ELOVL2: variants seen among roughly 807,000 people sequenced by gnomAD.
The protein encoded by ELOVL2 is ELOVL fatty acid elongase 2.
Under a neutral mutation model 37.7 loss-of-function variants are expected in ELOVL2, and 38 were observed. The ratio of observed to expected loss-of-function variants is 1.01; its 90% CI spans 0.78 to 1.32. The LOEUF (loss-of-function observed/expected upper bound fraction) is 1.32, where lower values mean the gene tolerates loss of function less well. Ranked by LOEUF, ELOVL2 falls within the 40% of genes most tolerant of loss-of-function variation. The pLI, the probability that ELOVL2 is intolerant of heterozygous loss-of-function variation, is 0.00. For synonymous variants in ELOVL2, 115 were observed against 122.3 expected (o/e 0.94, Z 0.40); for missense variants, 352 against 363.6 (o/e 0.97, Z 0.26).
intron 5 of ELOVL2, among the ~76,000 whole-genome samples, 160 bp downstream of exon 5, chr6:10,994,847 A>C (rs1010729114): frequency 3.3e-4 from 50 of 152,224 alleles, no homozygotes; most frequent in African/African-American, 1.2e-3. Flanking sequence ...ACACTAGAAT[A>C]CATGACCCCT....
intron 7 of ELOVL2, among the ~76,000 whole-genome samples, chr6:10,984,186 T>A (rs1781997732): frequency 6.6e-6 from 1 of 152,062 alleles, no homozygotes; most frequent in Non-Finnish European, 1.5e-5. Context: ...CCCGGCTAAT[T>A]TATGTATTTT....
At position 11,024,557 on chromosome 6, in the gene ELOVL2, G is replaced by T. The variant is rs116258049; in HGVS notation, c.4-13748C>A. Among the ~76,000 whole-genome samples the T allele has an allele frequency of 7.9e-3, 1,196 of 152,082 alleles. 18 individuals are homozygous for T. Among genetic ancestry groups the T allele is most frequent in the African/African-American group, 0.027 (1,114 of 41,452 alleles). On this transcript the variant is annotated intron_variant, in intron 1 of 7. Transcript: ENST00000354666. ...ATTACTGAATAAAATCATCTCCAAG[G>T]CCCCTTCTAGCTCTCAGTTTTAAAG... is the stretch of plus-strand genomic sequence containing the variant.
chr6:11,018,371 G>A (rs1287257223), intron 1 of ELOVL2, among the ~76,000 whole-genome samples: 1 of 152,164 alleles, frequency 6.6e-6, no homozygotes, highest in Non-Finnish European at 1.5e-5. Context: ...CAATGCAAGA[G>A]TCAAATAAGC....
At chr6:11,022,679 T>C (rs1009292298) in intron 1 of ELOVL2, among the ~76,000 whole-genome samples, 3 of 152,198 alleles carry the variant, frequency 2.0e-5, no homozygotes, top group South Asian at 4.1e-4. Context: ...CTTTATCTTA[T>C]TGGTTAAGCT....
chr6:11,002,148 A>G (rs1782398522), intron 3 of ELOVL2, among the ~76,000 whole-genome samples: 1 of 152,054 alleles, frequency 6.6e-6, no homozygotes, highest in African/African-American at 2.4e-5. Flanking sequence ...CAAGGGCCCA[A>G]TGTCATCTGC....
At chr6:11,036,212 T>C (rs1302291397) in intron 1 of ELOVL2, among the ~76,000 whole-genome samples, 1 of 152,218 alleles carries the variant, frequency 6.6e-6, no homozygotes. Flanking sequence ...ATAGTAAACC[T>C]AATTTACAAA....
Position 10,983,723 on chromosome 6 carries a change from T to G in ELOVL2, c.*58A>C, listed in dbSNP as rs1033217367. The stretch of plus-strand genomic sequence containing the variant: ...AACATGTAACCTTCAATTCAGTCTT[T>G]GCTTTAAAACAAGCCAATCTGTTAG... On this transcript the variant is annotated 3_prime_UTR_variant, in exon 8 of 8. Transcript: ENST00000354666. 1.0e-5 allele frequency: 16 copies of G among 1,524,322 alleles called. No individual in the cohort carries two copies. Among genetic ancestry groups the G allele is most frequent in the Non-Finnish European group, 1.3e-5 (15 of 1,135,166 alleles). The allele number at this position is 1,524,322 out of a possible 1,614,324, so 94.4% of individuals were successfully genotyped here.
chr6:11,041,292 A>G (rs1418831054), intron 1 of ELOVL2, among the ~76,000 whole-genome samples: 2 of 152,180 alleles, frequency 1.3e-5, no homozygotes, highest in Non-Finnish European at 2.9e-5. Flanking sequence ...TAGATACATA[A>G]TATCTACTTG....
At chr6:11,012,625 C>T (rs1782603291) in intron 1 of ELOVL2, among the ~76,000 whole-genome samples, 2 of 152,040 alleles carry the variant, frequency 1.3e-5, no homozygotes, top group Middle Eastern at 3.2e-3. Flanking sequence ...TCACAAAGCC[C>T]GTATTATTTC....
chr6:11,037,138 GAGAGAGAC>G (rs1479708860), intron 1 of ELOVL2, among the ~76,000 whole-genome samples: 7 of 147,882 alleles, frequency 4.7e-5, no homozygotes, highest in South Asian at 2.2e-4. Flanking sequence ...CAGAGAGGGA[GAGAGAGAC>G]AGAGAGGCAG....
At chr6:10,990,472 T>C in intron 5 of ELOVL2, 30 bp from the exon 6 acceptor site, 1 of 1,550,486 alleles carries the variant, frequency 6.4e-7, no homozygotes, top group Non-Finnish European at 8.6e-7. Flanking sequence ...AAATCACTAT[T>C]CTTCCAGGAA....
At position 11,022,114 on chromosome 6, in the gene ELOVL2, T is replaced by C. The variant is rs1467446247; in HGVS notation, c.4-11305A>G. ...AATAGGATGTACTCATATAAGACAC[T>C]GGGGGTGCCCTTGCAGTGCTTGTGA... On this transcript the variant is annotated intron_variant, in intron 1 of 7. Coordinates refer to ENST00000354666, the MANE Select transcript of ELOVL2 (RefSeq NM_017770.4). Among the ~76,000 whole-genome samples, 4 of 152,270 alleles carry C rather than the reference T, an allele frequency of 2.6e-5. No individual in the cohort carries two copies. The East Asian group carries it at 7.7e-4, about 29-fold the overall frequency.
At chr6:11,014,193 A>T (rs1211638316) in intron 1 of ELOVL2, among the ~76,000 whole-genome samples, 1 of 152,238 alleles carries the variant, frequency 6.6e-6, no homozygotes. Context: ...ACAGTTCAGT[A>T]GTTTGGTAAA....
chr6:11,041,566 T>C lies in ELOVL2; in HGVS notation c.3+2662A>G, dbSNP rs536912458. ...TCCTACAAATAGAAACTTAAGTCAA[T>C]AAGGTATCTTTCATTCATCTTTGGT... On this transcript the variant is annotated intron_variant, in intron 1 of 7. Coordinates refer to ENST00000354666, the MANE Select transcript of ELOVL2 (RefSeq NM_017770.4). Among the ~76,000 whole-genome samples the C allele has an allele frequency of 2.6e-5, 4 of 152,330 alleles. No homozygotes were observed. The South Asian group carries it at 8.3e-4, about 32-fold the overall frequency.
At chr6:11,027,157 A>T (rs1410932678) in intron 1 of ELOVL2, among the ~76,000 whole-genome samples, 1 of 152,188 alleles carries the variant, frequency 6.6e-6, no homozygotes, top group East Asian at 1.9e-4. Flanking sequence ...TCTTAAGCTT[A>T]CTGTCTATGT....
chr6:10,990,193 G>T, intron 6 of ELOVL2, 125 bp downstream of exon 6: 1 of 1,212,596 alleles, frequency 8.2e-7, no homozygotes, highest in Non-Finnish European at 1.2e-6. Context: ...TTCTTAAAAG[G>T]CCAATTTTGG....
rs187863470 is a variant in ELOVL2, at chr6:10,984,930, C to A, written c.766-1024G>T. Among the ~76,000 whole-genome samples the A allele has an allele frequency of 2.3e-3, 343 of 152,230 alleles. 7 individuals carry two copies. Among genetic ancestry groups the A allele is most frequent in the Admixed American group, 0.016 (239 of 15,286 alleles). ...TTCTAGTTCTAGATCCCTGAGGAAT[C>A]GCCACACTGACTTCCACAAGGGTTG... On this transcript the variant is annotated intron_variant, in intron 7 of 7. Transcript: ENST00000354666.
chr6:11,022,365 G>A (rs1173173327), intron 1 of ELOVL2, among the ~76,000 whole-genome samples: 2 of 152,198 alleles, frequency 1.3e-5, no homozygotes, highest in South Asian at 2.1e-4. Flanking sequence ...GGGCTGGGTG[G>A]TCAGTGGATA....
intron 1 of ELOVL2, among the ~76,000 whole-genome samples, chr6:11,031,374 GCTA>G (rs1160883908): frequency 1.3e-5 from 2 of 152,182 alleles, no homozygotes; most frequent in Non-Finnish European, 2.9e-5. Context: ...TATGGAACTT[GCTA>G]CTGTCAGAAT....
Sources: gnomAD v4.1 joint callset for allele counts (sites outside exome capture counted in the v4.1 genomes callset) on GRCh38, gnomAD v4.1.1 for gene constraint, MANE v1.5 for transcripts, NCBI Gene and HGNC (gene_info 2026-07-23, HGNC 2026-07-21) for gene names.